ACTN4: variants seen among roughly 807,000 people sequenced by gnomAD.
The protein encoded by ACTN4 is actinin alpha 4, also known as alpha-actinin-4.
ACTN4 carries 18 observed loss-of-function variants against 114.2 expected under a neutral mutation model. The observed-to-expected ratio is 0.16, with a 90% CI of 0.11 to 0.23. The LOEUF (loss-of-function observed/expected upper bound fraction) is 0.23. ACTN4 is among the 10% of genes least tolerant of loss of function. The probability of loss-of-function intolerance (pLI) is 1.00; values close to 1 mark genes in which losing one functional copy is unlikely to be tolerated. For missense variants in ACTN4, 722 were observed against 1,262.9 expected (o/e 0.57, Z 6.49); for synonymous variants, 515 against 506.3 (o/e 1.02, Z -0.23).
At chr19:38,652,456 G>T (rs1357657903) in intron 1 of ACTN4, among the ~76,000 whole-genome samples, 1 of 152,108 alleles carries the variant, frequency 6.6e-6, no homozygotes, top group Admixed American at 6.6e-5. Flanking sequence ...GTTGAGATCT[G>T]GCTGGTGCCC....
At chr19:38,660,883 G>A (rs970284157) in intron 1 of ACTN4, among the ~76,000 whole-genome samples, 1 of 152,250 alleles carries the variant, frequency 6.6e-6, no homozygotes, top group South Asian at 2.1e-4. Context: ...ATGGCTTTGC[G>A]AGCGGGTGGT....
At chr19:38,722,603 C>T (rs940060715) in intron 12 of ACTN4, among the ~76,000 whole-genome samples, 6 of 152,194 alleles carry the variant, frequency 3.9e-5, no homozygotes, top group South Asian at 2.1e-4. Flanking sequence ...GCAAGAGTCC[C>T]GTGGGGCCAT....
chr19:38,676,311 A>G (rs1160126944), intron 1 of ACTN4, among the ~76,000 whole-genome samples: 1 of 152,244 alleles, frequency 6.6e-6, no homozygotes, highest in Non-Finnish European at 1.5e-5. Context: ...GGGTCCTGGA[A>G]GTAAGATTCC....
chr19:38,675,587 G>C (rs1327052229), intron 1 of ACTN4, among the ~76,000 whole-genome samples: 2 of 152,216 alleles, frequency 1.3e-5, no homozygotes, highest in Non-Finnish European at 2.9e-5. Context: ...GAGGATCTTT[G>C]TGAACATCTT....
chr19:38,725,818 C>G lies in ACTN4; in HGVS notation c.2105C>G (p.Pro702Arg). The G allele has an allele frequency of 1.2e-6, 2 of 1,614,166 alleles. No individual in the cohort carries two copies. The highest frequency in any genetic ancestry group is 1.7e-6 in the Non-Finnish European group (2 of 1,180,044). The change falls in exon 17 of 21, where the codon CCC (proline) becomes CGC (arginine). Residue 702 changes from proline to arginine, a missense_variant. Physicochemically the swap from Pro to Arg is moderately radical, Grantham distance 103. This residue lies in a region of ACTN4 where 523 missense variants were observed against 875.9 expected (regional missense o/e 0.60). Coordinates refer to ENST00000252699, the MANE Select transcript of ACTN4 (RefSeq NM_004924.6). ...GAACGCAGCATCGTGGACTACAAGC[C>G]CAACCTGGACCTGCTGGAGCAGCAG... ...QYERSIVDYKPNLDLLEQQHQ... is the reference protein window; with the variant it reads ...QYERSIVDYKRNLDLLEQQHQ...
chr19:38,695,465 G>A (rs780493504), intron 1 of ACTN4, among the ~76,000 whole-genome samples: 2 of 152,190 alleles, frequency 1.3e-5, no homozygotes, highest in East Asian at 1.9e-4. Flanking sequence ...CTTCTTTGGC[G>A]TGCCGGCAGG....
rs149399105 is a variant in ACTN4 at position 38,709,487 on chromosome 19, T to C, written c.733+11T>C. ...TGCTGGATGCAGAGGGTAAGTCATC[T>C]CTTCTGTTCAGCCACCACTGTGCTT... On this transcript the variant is annotated intron_variant, in intron 7 of 20. Transcript: ENST00000252699. 3.1e-6 allele frequency: 5 copies of C among 1,610,924 alleles called. No individual in the cohort carries two copies. Among genetic ancestry groups the C allele is most frequent in the Non-Finnish European group, 4.2e-6 (5 of 1,177,058 alleles).
At chr19:38,718,095 A>T in intron 11 of ACTN4, 21 bp downstream of exon 11, 8 of 1,593,910 alleles carry the variant, frequency 5.0e-6, no homozygotes, top group African/African-American at 1.3e-5. Context: ...GCTCTGCCCC[A>T]CTCTGCCCAG....
In ACTN4 at chr19:38,660,388, G is replaced by GT. The variant is rs781766549; in HGVS notation, c.162+12486dup. On this transcript the variant is annotated intron_variant, in intron 1 of 20. Transcript: ENST00000252699. ...CTAAGTGCTTCCCATGGACTGACTG[G>GT]TTTTTGTTTTTTTTTCTTTCCTTTG... 1.4e-3 allele frequency among the ~76,000 whole-genome samples: 208 copies of GT among 151,094 alleles called. 1 individual carries two copies. The highest frequency in any genetic ancestry group is 1.5e-3 in the Non-Finnish European group (102 of 67,680).
chr19:38,702,015 A>C (rs556564491), intron 3 of ACTN4, among the ~76,000 whole-genome samples: 3 of 152,324 alleles, frequency 2.0e-5, no homozygotes, highest in Admixed American at 1.3e-4. Context: ...TGCATGCCAC[A>C]GTCGAGGTGG....
intron 1 of ACTN4, among the ~76,000 whole-genome samples, chr19:38,698,860 A>AG (rs1251094761): frequency 6.6e-6 from 1 of 152,128 alleles, no homozygotes; most frequent in East Asian, 1.9e-4. Context: ...TTTGTCTGGG[A>AG]GGGGGCTTTG....
chr19:38,730,441 G>A lies in ACTN4; in HGVS notation c.*1009G>A, dbSNP rs1480016105. On this transcript the variant is annotated 3_prime_UTR_variant, in exon 21 of 21. Coordinates refer to ENST00000252699, the MANE Select transcript of ACTN4 (RefSeq NM_004924.6). Reference sequence around the variant, plus strand: ...TTTGCTCCCCCTACCTTTTTTTTTTGAGTTTATTCTGATTGATTTTTTTTC... The same window carrying A: ...TTTGCTCCCCCTACCTTTTTTTTTTAAGTTTATTCTGATTGATTTTTTTTC... The A allele has an allele frequency of 2.7e-5, 5 of 187,962 alleles. No individual in the cohort carries two copies. In the Admixed American group the frequency reaches 2.8e-4, roughly 10 times the overall value. 11.6% of individuals were successfully genotyped at this position (187,962 alleles called of 1,614,324 possible).
rs117199570 is a variant in ACTN4, at chr19:38,729,897, G to A, written c.*465G>A. 17 of 355,756 alleles carry A rather than the reference G, an allele frequency of 4.8e-5. No homozygotes were observed. The East Asian group carries it at 1.3e-3, about 27-fold the overall frequency. 22.0% of individuals were successfully genotyped at this position (355,756 alleles called of 1,614,324 possible). On this transcript the variant is annotated 3_prime_UTR_variant, in exon 21 of 21. Coordinates refer to ENST00000252699, the MANE Select transcript of ACTN4 (RefSeq NM_004924.6). ...AGGGCGCCACCACCACCTGACGGCT[G>A]GGGACCCACCCAGCCCCTCTCCCCT...
Position 38,700,607 on chromosome 19 carries a change from C to T in ACTN4, c.170C>T (p.Thr57Met), listed in dbSNP as rs768656011. ...AWEKQQRKTF[T>M]AWCNSHLRKA... ...TTTGTTCTGCTTCCCCAGACCTTCA[C>T]GGCATGGTGCAACTCCCACCTGCGG... Residue 57 changes from threonine to methionine, a missense_variant, in exon 2 of 21, where the codon ACG becomes ATG. Transcript: ENST00000252699. 12 of 1,613,646 alleles carry T rather than the reference C, an allele frequency of 7.4e-6. No individual in the cohort carries two copies. The South Asian group carries it at 7.7e-5, about 10-fold the overall frequency.
chr19:38,673,477 ATATATATATTCATATATATT>A (rs1259854953), intron 1 of ACTN4, among the ~76,000 whole-genome samples: 1 of 57,112 alleles, frequency 1.8e-5, no homozygotes, highest in Non-Finnish European at 4.6e-5. Flanking sequence ...ATATATATTT[ATATATATATTCATATATATT>A]TATATATATG....
At position 38,731,472 on chromosome 19, in the gene ACTN4, G is replaced by A. The variant is rs2145138239; in HGVS notation, c.*2040G>A. On this transcript the variant is annotated 3_prime_UTR_variant, in exon 21 of 21. Coordinates refer to ENST00000252699, the MANE Select transcript of ACTN4 (RefSeq NM_004924.6). ...AGACAGAACGCTCAGGACAGCGTCT[G>A]ACACGTGACTCGATGTGTGGGTACT... is the stretch of plus-strand genomic sequence containing the variant. 1 of 556,054 alleles carries A rather than the reference G, an allele frequency of 1.8e-6. No homozygotes were observed. The highest frequency in any genetic ancestry group is 3.3e-6 in the Non-Finnish European group (1 of 307,588). 34.4% of individuals were successfully genotyped at this position (556,054 alleles called of 1,614,324 possible).
At chr19:38,653,893 A>G (rs1264412890) in intron 1 of ACTN4, among the ~76,000 whole-genome samples, 1 of 152,206 alleles carries the variant, frequency 6.6e-6, no homozygotes, top group African/African-American at 2.4e-5. Context: ...AGCAGATACA[A>G]ATACTGTCAT....
At chr19:38,719,053 G>A (rs1968944674) in intron 11 of ACTN4, among the ~76,000 whole-genome samples, 1 of 152,286 alleles carries the variant, frequency 6.6e-6, no homozygotes, top group East Asian at 1.9e-4. Context: ...CTGCAGGAGC[G>A]CCACTGTGCT....
chr19:38,685,474 T>C (rs1967714347), intron 1 of ACTN4, among the ~76,000 whole-genome samples: 1 of 152,124 alleles, frequency 6.6e-6, no homozygotes, highest in Non-Finnish European at 1.5e-5. Flanking sequence ...GGTGCAGGCC[T>C]GGAGAGGAGC....
Sources: allele counts gnomAD v4.1 joint callset (sites outside exome capture counted in the v4.1 genomes callset), GRCh38; gene constraint gnomAD v4.1.1; regional missense constraint gnomAD v4.1.1; transcripts MANE v1.5; gene names NCBI Gene and HGNC (gene_info 2026-07-23, HGNC 2026-07-21).